Variants in WDR93 observed in about 807,000 individuals in gnomAD.
WDR93 encodes the protein WD repeat domain 93, also known as WD repeat-containing protein 93.
Under a neutral mutation model 82.9 loss-of-function variants are expected in WDR93, and 73 were observed. The ratio of observed to expected loss-of-function variants is 0.88; its 90% CI spans 0.73 to 1.07. WDR93 has a LOEUF of 1.07. WDR93 is among the 50% of genes least tolerant of loss of function. The pLI is 0.00. For synonymous variants in WDR93, 283 were observed against 300.1 expected (o/e 0.94, Z 0.59); for missense variants, 738 against 826.0 (o/e 0.89, Z 1.31).
intron 7 of WDR93, among the ~76,000 whole-genome samples, chr15:89,720,744 C>T (rs529935034): frequency 6.6e-6 from 1 of 151,870 alleles, no homozygotes; most frequent in African/African-American, 2.4e-5. Flanking sequence ...TGTTTTATTC[C>T]CACAATGTGG....
intron 7 of WDR93, 69 bp from the exon 8 acceptor site, chr15:89,721,986 T>A: frequency 3.8e-6 from 4 of 1,051,844 alleles, no homozygotes; most frequent in Non-Finnish European, 5.6e-6. Context: ...TCTTTTAAAA[T>A]TAGTATTTTT....
chr15:89,690,940 G>A (rs1386754581), intron 1 of WDR93, 83 bp downstream of exon 1: 2 of 293,432 alleles, frequency 6.8e-6, no homozygotes, highest in Non-Finnish European at 1.3e-5. Context: ...GTCTCCTAGA[G>A]GAAAGTCTGA....
chr15:89,736,884 C>T (rs1326343933), intron 14 of WDR93, among the ~76,000 whole-genome samples: 1 of 151,714 alleles, frequency 6.6e-6, no homozygotes, highest in African/African-American at 2.4e-5. Flanking sequence ...CTCTGCCTCC[C>T]GGGTTCACAC....
At chr15:89,705,529 A>T (rs768321222) in intron 3 of WDR93, 25 bp from the exon 4 acceptor site, 65 of 1,346,132 alleles carry the variant, frequency 4.8e-5, no homozygotes, top group Non-Finnish European at 6.7e-5. Flanking sequence ...CTGTCTTAAC[A>T]TTCTCACTTA....
At chr15:89,701,381 G>A (rs1445425051) in intron 1 of WDR93, among the ~76,000 whole-genome samples, 1 of 152,182 alleles carries the variant, frequency 6.6e-6, no homozygotes, top group Non-Finnish European at 1.5e-5. Flanking sequence ...AGAGAATGAG[G>A]AGAAGGCATA....
intron 9 of WDR93, among the ~76,000 whole-genome samples, chr15:89,727,816 C>T (rs1251666051): frequency 3.9e-5 from 6 of 151,940 alleles, no homozygotes; most frequent in Middle Eastern, 3.2e-3. Context: ...GGCACGGTGG[C>T]TCAGGCCTGT....
At chr15:89,700,603 T>G (rs1965413526) in intron 1 of WDR93, among the ~76,000 whole-genome samples, 1 of 146,924 alleles carries the variant, frequency 6.8e-6, no homozygotes, top group Non-Finnish European at 1.5e-5. Flanking sequence ...CACTCTGTCA[T>G]CTAGGGTAGA....
chr15:89,729,414 T>C (rs1209082364), intron 10 of WDR93, among the ~76,000 whole-genome samples: 2 of 152,086 alleles, frequency 1.3e-5, no homozygotes, highest in South Asian at 2.1e-4. Flanking sequence ...GGGTGTGAAT[T>C]TTCTAGATGT....
At chr15:89,703,286 G>A in intron 3 of WDR93, 144 bp downstream of exon 3, 2 of 820,652 alleles carry the variant, frequency 2.4e-6, no homozygotes, top group Non-Finnish European at 2.0e-6. Flanking sequence ...TACAGAACAG[G>A]TATGGTGGGT....
In WDR93 at chr15:89,735,846, G is replaced by C. The variant is rs114314989; in HGVS notation, c.1608+293G>C. ...AGAGGGTCACCTAACTCAACCTGCA[G>C]AAGTTGGCAGCAGGGGAGGACTGTG... On this transcript the variant is annotated intron_variant, in intron 14 of 16. Transcript: ENST00000268130. Among the ~76,000 whole-genome samples the C allele has an allele frequency of 5.1e-3, 782 of 152,330 alleles. 4 individuals carry two copies. Among genetic ancestry groups the C allele is most frequent in the African/African-American group, 0.018 (741 of 41,572 alleles).
intron 7 of WDR93, among the ~76,000 whole-genome samples, chr15:89,717,743 G>A (rs571475645): frequency 6.6e-6 from 1 of 152,276 alleles, no homozygotes; most frequent in East Asian, 1.9e-4. Context: ...GTGGCCATGG[G>A]CATTTTGTGT....
chr15:89,716,731 G>A (rs1966268586), intron 6 of WDR93, among the ~76,000 whole-genome samples, 180 bp from the exon 7 acceptor site: 1 of 152,134 alleles, frequency 6.6e-6, no homozygotes, highest in Non-Finnish European at 1.5e-5. Flanking sequence ...CTGAAAAATA[G>A]GGATCGTGTG....
intron 3 of WDR93, 52 bp from the exon 4 acceptor site, chr15:89,705,502 C>T: frequency 8.8e-7 from 1 of 1,140,238 alleles, no homozygotes; most frequent in Non-Finnish European, 1.3e-6. Flanking sequence ...TTTCCAGTTT[C>T]TCTTCAGCTC....
intron 7 of WDR93, among the ~76,000 whole-genome samples, chr15:89,717,921 C>T (rs1470613271): frequency 1.3e-5 from 2 of 152,204 alleles, no homozygotes; most frequent in Non-Finnish European, 2.9e-5. Context: ...GGCTCTTCCT[C>T]TGAGACCAGG....
At chr15:89,732,499 A>C (rs1000788795) in intron 12 of WDR93, among the ~76,000 whole-genome samples, 1 of 152,200 alleles carries the variant, frequency 6.6e-6, no homozygotes, top group Admixed American at 6.5e-5. Flanking sequence ...AACCAACAGC[A>C]TTATTATAGA....
chr15:89,714,006 G>C (rs540965635), intron 5 of WDR93, among the ~76,000 whole-genome samples: 122 of 152,292 alleles, frequency 8.0e-4, no homozygotes, highest in Non-Finnish European at 1.2e-3. Context: ...ACCTTTCCTA[G>C]GTTAACATAT....
chr15:89,692,135 G>A (rs1231039044), intron 1 of WDR93, among the ~76,000 whole-genome samples: 2 of 152,136 alleles, frequency 1.3e-5, no homozygotes, highest in African/African-American at 4.8e-5. Flanking sequence ...ACGTCTGCCC[G>A]TACCTCTGCA....
chr15:89,737,538 G>A (rs561488922), intron 14 of WDR93, 35 bp from the exon 15 acceptor site: 5 of 1,613,570 alleles, frequency 3.1e-6, no homozygotes, highest in Non-Finnish European at 4.2e-6. Context: ...ACAGAGTCCA[G>A]TAGAAGCCCC....
intron 7 of WDR93, among the ~76,000 whole-genome samples, chr15:89,720,370 T>A (rs1966471725): frequency 6.6e-6 from 1 of 151,858 alleles, no homozygotes; most frequent in African/African-American, 2.4e-5. Flanking sequence ...CCTCCCGGGT[T>A]CAAGCAATTC....
Sources: allele counts gnomAD v4.1 joint callset (sites outside exome capture counted in the v4.1 genomes callset), GRCh38; gene constraint gnomAD v4.1.1; transcripts MANE v1.5; gene names NCBI Gene and HGNC (gene_info 2026-07-23, HGNC 2026-07-21).